Variants in UNC5D observed in about 807,000 individuals in gnomAD.
The protein encoded by UNC5D is unc-5 netrin receptor D.
A neutral mutation model predicts 105.4 loss-of-function variants in UNC5D; 39 were observed. That is an observed-to-expected ratio of 0.37 (90% confidence interval 0.29 to 0.48). The LOEUF (loss-of-function observed/expected upper bound fraction) is 0.48, where lower values mean the gene tolerates loss of function less well. Among genes scored for constraint, UNC5D ranks in the 20% least tolerant of loss-of-function variants. UNC5D has a pLI of 0.98. For missense variants in UNC5D, 991 were observed against 1,202.4 expected (o/e 0.82, Z 2.60); for synonymous variants, 452 against 450.4 (o/e 1.00, Z -0.04).
At chr8:35,674,375 T>G (rs1825047686) in intron 4 of UNC5D, among the ~76,000 whole-genome samples, 1 of 152,124 alleles carries the variant, frequency 6.6e-6, no homozygotes, top group African/African-American at 2.4e-5. Flanking sequence ...CTATATATGT[T>G]TATGTGTATA....
intron 1 of UNC5D, among the ~76,000 whole-genome samples, chr8:35,508,003 G>C (rs1367986649): frequency 6.6e-6 from 1 of 152,090 alleles, no homozygotes; most frequent in Non-Finnish European, 1.5e-5. Context: ...GGTTTAGTTG[G>C]GACCATGCTG....
intron 1 of UNC5D, among the ~76,000 whole-genome samples, chr8:35,539,374 T>C (rs1435590831): frequency 1.3e-5 from 2 of 152,190 alleles, no homozygotes; most frequent in Non-Finnish European, 2.9e-5. Context: ...TATTGAACTA[T>C]AGAATGTTTA....
chr8:35,497,889 G>A (rs1563474644), intron 1 of UNC5D, among the ~76,000 whole-genome samples: 1 of 151,810 alleles, frequency 6.6e-6, no homozygotes. Flanking sequence ...GACCAACATG[G>A]AGAAACCCCG....
intron 1 of UNC5D, among the ~76,000 whole-genome samples, chr8:35,262,273 C>G (rs1333833334): frequency 6.6e-6 from 1 of 152,178 alleles, no homozygotes; most frequent in East Asian, 1.9e-4. Context: ...AGTCATTTCT[C>G]CCTCTGTTTC....
intron 1 of UNC5D, among the ~76,000 whole-genome samples, chr8:35,534,828 A>C (rs1020551947): frequency 6.6e-6 from 1 of 152,010 alleles, no homozygotes; most frequent in Non-Finnish European, 1.5e-5. Context: ...AAATATATAC[A>C]TATATATAGT....
In UNC5D at chr8:35,452,374, C is replaced by G. The variant is rs530794590; in HGVS notation, c.104-96918C>G. ...CCACCTCCCAGGTTCAAGCCATTCT[C>G]CTGCCTCAGCCTCCTGAGTGGCTGG... is the stretch of plus-strand genomic sequence containing the variant. On this transcript the variant is annotated intron_variant, in intron 1 of 16. Transcript: ENST00000404895. 2.0e-5 allele frequency among the ~76,000 whole-genome samples: 3 copies of G among 152,264 alleles called. No homozygotes were observed. In the East Asian group the frequency reaches 5.8e-4, roughly 29 times the overall value.
At chr8:35,773,817 G>A (rs996268882) in intron 15 of UNC5D, among the ~76,000 whole-genome samples, 1 of 152,152 alleles carries the variant, frequency 6.6e-6, no homozygotes, top group Non-Finnish European at 1.5e-5. Context: ...CCACCTCCCA[G>A]GTTCAAGTGA....
At chr8:35,511,241 C>T (rs1448530648) in intron 1 of UNC5D, among the ~76,000 whole-genome samples, 1 of 152,106 alleles carries the variant, frequency 6.6e-6, no homozygotes, top group Middle Eastern at 3.2e-3. Context: ...ATACAATGAA[C>T]ATGATTTCTG....
At chr8:35,481,009 G>A (rs546485962) in intron 1 of UNC5D, among the ~76,000 whole-genome samples, 3 of 152,160 alleles carry the variant, frequency 2.0e-5, no homozygotes, top group Non-Finnish European at 4.4e-5. Flanking sequence ...TCTGCAGTTT[G>A]TGAACTGAGA....
intron 1 of UNC5D, among the ~76,000 whole-genome samples, chr8:35,468,604 T>G (rs4389936): frequency 0.86 from 130,798 of 152,182 alleles, 56,652 homozygotes; most frequent in Non-Finnish European, 0.92. Flanking sequence ...ACATTCATGT[T>G]TAAACGTGGA....
intron 16 of UNC5D, among the ~76,000 whole-genome samples, chr8:35,782,481 G>A (rs1586638211): frequency 6.7e-6 from 1 of 149,996 alleles, no homozygotes; most frequent in African/African-American, 2.5e-5. Context: ...TTTACTTTTT[G>A]TACTGACAAA....
chr8:35,362,990 G>T (rs1801933289), intron 1 of UNC5D, among the ~76,000 whole-genome samples: 1 of 152,118 alleles, frequency 6.6e-6, no homozygotes, highest in Non-Finnish European at 1.5e-5. Flanking sequence ...CCTTTCTCTG[G>T]TCCAGAGTCC....
intron 1 of UNC5D, among the ~76,000 whole-genome samples, chr8:35,349,633 T>C (rs1263959421): frequency 1.3e-5 from 2 of 152,004 alleles, no homozygotes; most frequent in African/African-American, 4.8e-5. Flanking sequence ...TAAGTCTGAA[T>C]AATTATAGCT....
intron 3 of UNC5D, among the ~76,000 whole-genome samples, chr8:35,590,476 A>AGTTGTGTCACTATTTT (rs1266922013): frequency 6.6e-6 from 1 of 152,164 alleles, no homozygotes; most frequent in Admixed American, 6.5e-5. Flanking sequence ...TCATCTTAAT[A>AGTTGTGTCACTATTTT]CCTTTTCCCA....
rs151049206 is a variant in UNC5D, at chr8:35,559,037, T to C, written c.323-9061T>C. ...CAAGAGAATTTGATTGCTTTGTTTC[T>C]CTCCCAGAGAACTGACCAAGGCCCA... On this transcript the variant is annotated intron_variant, in intron 2 of 16. Transcript: ENST00000404895. Among the ~76,000 whole-genome samples, 18 of 152,188 alleles carry C rather than the reference T, an allele frequency of 1.2e-4. No homozygotes were observed. The East Asian group carries it at 2.7e-3, about 23-fold the overall frequency.
chr8:35,383,991 A>T (rs1298523072), intron 1 of UNC5D, among the ~76,000 whole-genome samples: 3 of 152,092 alleles, frequency 2.0e-5, no homozygotes, highest in Admixed American at 6.5e-5. Context: ...CCAGGTGGGT[A>T]GATCACAAGG....
intron 4 of UNC5D, among the ~76,000 whole-genome samples, chr8:35,677,180 C>T (rs1175643236): frequency 6.6e-6 from 1 of 152,086 alleles, no homozygotes; most frequent in Admixed American, 6.6e-5. Context: ...ACCACCATGA[C>T]ACATGAAAAG....
intron 1 of UNC5D, among the ~76,000 whole-genome samples, chr8:35,366,234 T>G (rs188929799): frequency 6.6e-6 from 1 of 152,008 alleles, no homozygotes; most frequent in Non-Finnish European, 1.5e-5. Context: ...TAGATTCCTA[T>G]TTTTTCACTG....
intron 1 of UNC5D, among the ~76,000 whole-genome samples, chr8:35,522,795 G>T: frequency 6.6e-6 from 1 of 152,036 alleles, no homozygotes; most frequent in Admixed American, 6.5e-5. Flanking sequence ...AAGTAGATTT[G>T]GACCCCTCTC....
Sources: allele counts gnomAD v4.1 joint callset (sites outside exome capture counted in the v4.1 genomes callset), GRCh38; gene constraint gnomAD v4.1.1; transcripts MANE v1.5; gene names NCBI Gene and HGNC (gene_info 2026-07-23, HGNC 2026-07-21).